Variants in ATL2 observed in about 807,000 individuals in gnomAD.
ATL2 encodes the protein atlastin-2.
In ATL2, 31 loss-of-function variants were observed where a neutral mutation model predicts 73.9. The observed-to-expected ratio is 0.42, with a 90% confidence interval of 0.32 to 0.57. ATL2 has a LOEUF of 0.57. ATL2 is among the 20% of genes least tolerant of loss of function. The probability of loss-of-function intolerance (pLI) is 0.14; values close to 1 mark genes in which losing one functional copy is unlikely to be tolerated. For synonymous variants in ATL2, 291 were observed against 237.5 expected (o/e 1.23, Z -2.07); for missense variants, 738 against 702.6 (o/e 1.05, Z -0.57).
chr2:38,351,171 C>A (rs1034223329), intron 1 of ATL2, among the ~76,000 whole-genome samples: 2 of 152,124 alleles, frequency 1.3e-5, no homozygotes, highest in Non-Finnish European at 2.9e-5. Flanking sequence ...AGTTATCCCA[C>A]AAAAGCTAAG....
intron 1 of ATL2, among the ~76,000 whole-genome samples, chr2:38,372,676 C>G (rs1447032554): frequency 6.6e-6 from 1 of 152,210 alleles, no homozygotes; most frequent in Non-Finnish European, 1.5e-5. Context: ...ATGATCACAT[C>G]TTATGTTAAT....
At chr2:38,335,340 A>G (rs564393631) in intron 2 of ATL2, among the ~76,000 whole-genome samples, 10 of 152,292 alleles carry the variant, frequency 6.6e-5, no homozygotes, top group African/African-American at 1.4e-4. Flanking sequence ...CTAGAAACCC[A>G]TATGTCTATC....
At position 38,333,948 on chromosome 2, in the gene ATL2, T is replaced by G. The variant is rs923268583; in HGVS notation, c.363+9320A>C. Among the ~76,000 whole-genome samples, 5 of 152,028 alleles carry G rather than the reference T, an allele frequency of 3.3e-5. No individual in the cohort carries two copies. The East Asian group carries it at 5.8e-4, about 18-fold the overall frequency. ...GGGAAGAATTAAAACTTAGTTTTGATTCCAAAATCAAAGTCTCAGCAGCAG... is the reference window on the plus strand; with the variant it reads ...GGGAAGAATTAAAACTTAGTTTTGAGTCCAAAATCAAAGTCTCAGCAGCAG... On this transcript the variant is annotated intron_variant, in intron 2 of 12. Transcript: ENST00000378954.
At chr2:38,367,061 C>T (rs1338942971) in intron 1 of ATL2, among the ~76,000 whole-genome samples, 3 of 151,998 alleles carry the variant, frequency 2.0e-5, no homozygotes, top group African/African-American at 4.8e-5. Context: ...TCAGCTCCAT[C>T]CTGCAGCCTC....
chr2:38,374,145 C>A (rs1042124074), intron 1 of ATL2, among the ~76,000 whole-genome samples: 4 of 144,722 alleles, frequency 2.8e-5, no homozygotes, highest in African/African-American at 1.2e-4. Context: ...CCTGCCTCGG[C>A]CTCCGAAAAG....
chr2:38,338,470 T>C (rs527277334), intron 2 of ATL2, among the ~76,000 whole-genome samples: 6 of 152,188 alleles, frequency 3.9e-5, no homozygotes, highest in Non-Finnish European at 8.8e-5. Flanking sequence ...TTAAAATTAT[T>C]TTTTTAAAGT....
rs1672027200 is a variant in ATL2, at chr2:38,377,152, T to C, written c.109A>G (p.Thr37Ala). Reference sequence around the variant, plus strand: ...CCTCGCTGGCCCGTACCTAGGGAGGTCGTGGACGAGACGTGGTTAACCGCG... The same window carrying C: ...CCTCGCTGGCCCGTACCTAGGGAGGCCGTGGACGAGACGTGGTTAACCGCG... ...SAAVNHVSST[T>A]SLGENYEDDD... The change falls in exon 1 of 13, where the codon ACC becomes GCC. Residue 37 changes from threonine to alanine, a missense_variant. Thr to Ala is a moderately conservative substitution (Grantham distance 58, BLOSUM62 0). Transcript: ENST00000378954. The C allele has an allele frequency of 6.2e-7, 1 of 1,609,790 alleles. No homozygotes were observed. Among genetic ancestry groups the C allele is most frequent in the Admixed American group, 1.7e-5 (1 of 59,878 alleles).
At chr2:38,332,253 C>T (rs1388821766) in intron 2 of ATL2, among the ~76,000 whole-genome samples, 1 of 152,214 alleles carries the variant, frequency 6.6e-6, no homozygotes, top group Non-Finnish European at 1.5e-5. Context: ...CTCTCCCAGA[C>T]TGGAGTGCAA....
At chr2:38,352,423 T>C (rs1338937995) in intron 1 of ATL2, among the ~76,000 whole-genome samples, 1 of 152,184 alleles carries the variant, frequency 6.6e-6, no homozygotes, top group Admixed American at 6.5e-5. Context: ...CTCCCAGCTC[T>C]CTGCCTGGGA....
chr2:38,355,961 T>C (rs1350961297), intron 1 of ATL2, among the ~76,000 whole-genome samples: 1 of 151,884 alleles, frequency 6.6e-6, no homozygotes, highest in Non-Finnish European at 1.5e-5. Flanking sequence ...CCTCCCAAAG[T>C]GCTGGGATTA....
intron 12 of ATL2, 174 bp from the exon 13 acceptor site, chr2:38,296,287 G>A (rs905953708): frequency 7.0e-7 from 1 of 1,437,282 alleles, no homozygotes; most frequent in Non-Finnish European, 9.1e-7. Context: ...ATTTTATAAT[G>A]CAACAAAAAT....
chr2:38,349,861 T>C (rs1670241998), intron 1 of ATL2, among the ~76,000 whole-genome samples: 1 of 152,278 alleles, frequency 6.6e-6, no homozygotes, highest in African/African-American at 2.4e-5. Context: ...TACAGCCTTT[T>C]ACAGAGAAGG....
chr2:38,307,453 C>T (rs777964776), intron 9 of ATL2, among the ~76,000 whole-genome samples: 51 of 151,006 alleles, frequency 3.4e-4, no homozygotes, highest in Non-Finnish European at 6.5e-4. Flanking sequence ...AAGCCGAGAT[C>T]ACGCCACTGC....
intron 12 of ATL2, chr2:38,296,753 A>G (rs1160598932): frequency 6.4e-7 from 1 of 1,551,022 alleles, no homozygotes; most frequent in Admixed American, 2.0e-5. Flanking sequence ...GTTTGTTGAC[A>G]CAGCACAGAT....
intron 1 of ATL2, among the ~76,000 whole-genome samples, chr2:38,361,035 T>G (rs1166073186): frequency 6.6e-6 from 1 of 152,066 alleles, no homozygotes; most frequent in Non-Finnish European, 1.5e-5. Flanking sequence ...TGGATAAGCT[T>G]CCACACCAAC....
chr2:38,370,542 G>A (rs919115879), intron 1 of ATL2, among the ~76,000 whole-genome samples: 16 of 151,516 alleles, frequency 1.1e-4, no homozygotes, highest in East Asian at 3.9e-4. Flanking sequence ...AGCCCAAGGC[G>A]GGCGGATCAC....
intron 9 of ATL2, among the ~76,000 whole-genome samples, chr2:38,302,778 A>G (rs1667255914): frequency 6.6e-6 from 1 of 152,232 alleles, no homozygotes; most frequent in East Asian, 1.9e-4. Flanking sequence ...TCCCTAATGC[A>G]GATACAGCTG....
upstream of ATL2, chr2:38,377,371 T>C (rs975238345): frequency 3.9e-5 from 32 of 820,124 alleles, no homozygotes; most frequent in African/African-American, 1.0e-4. Flanking sequence ...GCTCTCCGCC[T>C]GTATCTCCTC....
intron 4 of ATL2, among the ~76,000 whole-genome samples, chr2:38,315,575 T>C (rs536098959): frequency 2.0e-5 from 3 of 152,248 alleles, no homozygotes; most frequent in South Asian, 4.2e-4. Flanking sequence ...AATATATGTA[T>C]ACTCATGGCC....
Sources: gnomAD v4.1 joint callset for allele counts (sites outside exome capture counted in the v4.1 genomes callset) on GRCh38, gnomAD v4.1.1 for gene constraint, MANE v1.5 for transcripts, NCBI Gene and HGNC (gene_info 2026-07-23, HGNC 2026-07-21) for gene names.